The following ZNF503 variants were observed in gnomAD, a reference collection of about 807,000 sequenced individuals.
ZNF503 encodes NocA-like zinc finger 2.
Under a neutral mutation model 34.4 loss-of-function variants are expected in ZNF503, and 15 were observed. That is an observed-to-expected ratio of 0.44 (90% CI 0.29 to 0.67). The LOEUF is 0.67. Ranked by LOEUF, ZNF503 falls within the 30% of genes least tolerant of loss-of-function variation. The pLI is 0.13. For missense variants in ZNF503, 1,007 were observed against 926.8 expected, an observed-to-expected ratio of 1.09 and a Z score of -1.12; for synonymous variants, 580 against 456.8, an observed-to-expected ratio of 1.27 and a Z score of -3.44.
chr10:75,280,844 A>T, the ZNF503 span, among the ~76,000 whole-genome samples: 1 of 152,122 alleles, frequency 6.6e-6, no homozygotes, highest in African/African-American at 2.4e-5. Flanking sequence ...GAACATCTAA[A>T]TCAGGCCTGA....
rs1296071969 is a variant in ZNF503 at position 75,398,172 on chromosome 10, A to G, written c.*577T>C. 6.6e-6 allele frequency: 1 copy of G among 152,532 alleles called. No individual in the cohort carries two copies. The allele number at this position is 152,532 out of a possible 1,614,324, so 9.4% of individuals were successfully genotyped here. ...TTCATTTTTTTTGTAACAAACATGC[A>G]TGTAAATTTGTGTTTCAATCAGACA... On this transcript the variant is annotated 3_prime_UTR_variant, in exon 2 of 2. Transcript: ENST00000372524.
chr10:75,345,634 C>CAAAAAAA, the ZNF503 span, among the ~76,000 whole-genome samples: 1 of 72,176 alleles, frequency 1.4e-5, no homozygotes, highest in Non-Finnish European at 2.6e-5. Flanking sequence ...GACTCTGTCT[C>CAAAAAAA]AAAAAAAAAA....
At chr10:75,332,794 A>G in the ZNF503 span, among the ~76,000 whole-genome samples, 1 of 146,368 alleles carries the variant, frequency 6.8e-6, no homozygotes, top group Non-Finnish European at 1.5e-5. Flanking sequence ...GGTTGGGGGT[A>G]AGGTCACAGA....
the ZNF503 span, among the ~76,000 whole-genome samples, chr10:75,317,580 C>T: frequency 5.3e-5 from 8 of 152,002 alleles, no homozygotes; most frequent in Non-Finnish European, 1.0e-4. Context: ...CCACTGCTCC[C>T]GGCCCCCATT....
At chr10:75,322,236 G>A in the ZNF503 span, among the ~76,000 whole-genome samples, 37 of 150,000 alleles carry the variant, frequency 2.5e-4, no homozygotes, top group Middle Eastern at 3.4e-3. Context: ...TGATTCCCCT[G>A]CCTCATCCTC....
the ZNF503 span, among the ~76,000 whole-genome samples, chr10:75,333,590 C>G: frequency 5.5e-5 from 3 of 54,604 alleles, no homozygotes; most frequent in African/African-American, 1.8e-4. Flanking sequence ...GGGGGGCTGA[C>G]CCCCCCACCT....
rs906115397 is a variant in ZNF503, at chr10:75,401,320, T to C, written c.100A>G (p.Ser34Gly). The change falls in exon 1 of 2, where the codon AGC (serine) becomes GGC (glycine). Residue 34 changes from serine to glycine, a missense_variant. Physicochemically the swap from Ser to Gly is moderately conservative, Grantham distance 56. Transcript: ENST00000372524. The part of the protein sequence containing the change: ...GGGGADPAWT[S>G]ALSGNSSGPG... ...CCGGAGCTATTTCCAGAGAGCGCGCTGGTCCAGGCAGGGTCTGCACCGCCG... is the reference window on the plus strand; with the variant it reads ...CCGGAGCTATTTCCAGAGAGCGCGCCGGTCCAGGCAGGGTCTGCACCGCCG... The C allele has an allele frequency of 1.6e-5, 24 of 1,538,414 alleles. No individual in the cohort carries two copies. The highest frequency in any genetic ancestry group is 2.1e-5 in the Non-Finnish European group (24 of 1,143,060).
At chr10:75,333,576 G>A in the ZNF503 span, among the ~76,000 whole-genome samples, 315 of 87,100 alleles carry the variant, frequency 3.6e-3, 3 homozygotes, top group Non-Finnish European at 5.9e-3. Context: ...GCAGCTGGCC[G>A]GGCGGGGGGC....
the ZNF503 span, among the ~76,000 whole-genome samples, chr10:75,368,592 C>T: frequency 6.6e-6 from 1 of 152,160 alleles, no homozygotes; most frequent in Non-Finnish European, 1.5e-5. Context: ...AGCAGACCAC[C>T]TTCTTAGCAG....
chr10:75,370,476 G>T, the ZNF503 span, among the ~76,000 whole-genome samples: 2 of 152,020 alleles, frequency 1.3e-5, no homozygotes, highest in Non-Finnish European at 2.9e-5. Flanking sequence ...TGCGGCTGGG[G>T]TGCTTTACAT....
chr10:75,369,055 A>C, the ZNF503 span, among the ~76,000 whole-genome samples: 2 of 152,178 alleles, frequency 1.3e-5, no homozygotes, highest in Non-Finnish European at 2.9e-5. Context: ...GAGACTTTAC[A>C]CGCTGTTAGG....
At chr10:75,395,715 C>G (rs943939633), downstream of ZNF503, among the ~76,000 whole-genome samples, 1 of 152,248 alleles carries the variant, frequency 6.6e-6, no homozygotes, top group Non-Finnish European at 1.5e-5. This position sits in a 1 kb window ranked among gnomAD's most constrained non-coding sequence, Gnocchi z 4.4. Context: ...TCCAACACGT[C>G]GGGGAATCCT....
the ZNF503 span, among the ~76,000 whole-genome samples, chr10:75,299,858 A>G: frequency 6.6e-6 from 1 of 152,348 alleles, no homozygotes; most frequent in South Asian, 2.1e-4. Flanking sequence ...TCACAAGGTA[A>G]TAGAATATCA....
At chr10:75,377,207 G>A in the ZNF503 span, among the ~76,000 whole-genome samples, 1 of 152,126 alleles carries the variant, frequency 6.6e-6, no homozygotes, top group African/African-American at 2.4e-5. Context: ...CTCAGACTAC[G>A]CAGCTCCAGA....
At chr10:75,329,445 TTC>T in the ZNF503 span, among the ~76,000 whole-genome samples, 2 of 138,894 alleles carry the variant, frequency 1.4e-5, no homozygotes, top group Middle Eastern at 3.6e-3. Flanking sequence ...CTTTCTTTCT[TTC>T]TTTCTTTCTT....
chr10:75,346,840 C>T, the ZNF503 span, among the ~76,000 whole-genome samples: 2 of 150,022 alleles, frequency 1.3e-5, no homozygotes, highest in Admixed American at 6.6e-5. Flanking sequence ...CAGGGTCTCC[C>T]TATATTGCCC....
chr10:75,387,886 C>T, the ZNF503 span, among the ~76,000 whole-genome samples: 1 of 152,206 alleles, frequency 6.6e-6, no homozygotes, highest in African/African-American at 2.4e-5. Context: ...GGCTTCCAGG[C>T]AGCCGAGGGC....
At chr10:75,338,053 A>G in the ZNF503 span, among the ~76,000 whole-genome samples, 3 of 152,250 alleles carry the variant, frequency 2.0e-5, no homozygotes, top group African/African-American at 4.8e-5. Context: ...TGGAAATTAT[A>G]GAATTGTGTG....
the ZNF503 span, among the ~76,000 whole-genome samples, chr10:75,389,988 G>A: frequency 6.6e-6 from 1 of 152,058 alleles, no homozygotes; most frequent in Admixed American, 6.5e-5. Context: ...TGCCTCCCGG[G>A]TTCGCGCCAT....
Sources: gnomAD v4.1 joint callset for allele counts (sites outside exome capture counted in the v4.1 genomes callset) on GRCh38, gnomAD v4.1.1 for gene constraint, Gnocchi (gnomAD v3.1) non-coding constraint, MANE v1.5 for transcripts, NCBI Gene and HGNC (gene_info 2026-07-23, HGNC 2026-07-21) for gene names.